The following CDH8 variants were observed in gnomAD, a reference collection of about 807,000 sequenced individuals.
CDH8 encodes cadherin 8.
A neutral mutation model predicts 68.1 loss-of-function variants in CDH8; 17 were observed. The ratio of observed to expected loss-of-function variants is 0.25; its 90% CI spans 0.17 to 0.37. The LOEUF is 0.37. CDH8 is among the 10% of genes least tolerant of loss of function. The pLI is 1.00. For synonymous variants in CDH8, 372 were observed against 365.1 expected (o/e 1.02, Z -0.21); for missense variants, 763 against 999.3 (o/e 0.76, Z 3.19).
intron 2 of CDH8, among the ~76,000 whole-genome samples, chr16:61,993,024 A>G (rs1019939557): frequency 6.6e-6 from 1 of 152,178 alleles, no homozygotes; most frequent in Non-Finnish European, 1.5e-5. Context: ...GGCTCAAGCA[A>G]TCCTCCTGTC....
intron 8 of CDH8, among the ~76,000 whole-genome samples, chr16:61,736,112 A>AAAGGAAGG (rs763954666): frequency 0.2 from 23,658 of 115,968 alleles, 2,952 homozygotes; most frequent in Non-Finnish European, 0.25. Context: ...AGAAAGAAAG[A>AAAGGAAGG]AAGGAAGGAA....
chr16:61,658,699 A>G (rs1963499535), intron 10 of CDH8, among the ~76,000 whole-genome samples: 2 of 152,086 alleles, frequency 1.3e-5, no homozygotes, highest in African/African-American at 4.8e-5. Flanking sequence ...CTTTAAGAAT[A>G]TTTTGGCTAT....
chr16:61,674,440 C>A (rs572523847), intron 10 of CDH8, among the ~76,000 whole-genome samples: 37 of 131,038 alleles, frequency 2.8e-4, no homozygotes, highest in South Asian at 7.7e-4. Context: ...GGTGACAGTG[C>A]AAGACTCCAA....
At chr16:61,954,497 T>C (rs1265930961) in intron 2 of CDH8, among the ~76,000 whole-genome samples, 10 of 151,898 alleles carry the variant, frequency 6.6e-5, no homozygotes, top group African/African-American at 2.4e-4. Flanking sequence ...GTCAGGAGAT[T>C]GAGGCCATCC....
rs1307133436 is a variant in CDH8 at position 61,649,802 on chromosome 16, ACCC to A, written c.*3803_*3805del. The A allele has an allele frequency of 2.0e-5, 3 of 152,070 alleles. No homozygotes were observed. The highest frequency in any genetic ancestry group is 7.2e-5 in the African/African-American group (3 of 41,418). 9.4% of individuals were successfully genotyped at this position (152,070 alleles called of 1,614,324 possible). On this transcript the variant is annotated 3_prime_UTR_variant, in exon 12 of 12. Transcript: ENST00000577390. ...AGTAATTGGCTACTTAGCTCTCAGCACCCGCTTTTCCTTTTCCAAAATACAGCA... is the reference window on the plus strand; with the variant it reads ...AGTAATTGGCTACTTAGCTCTCAGCAGCTTTTCCTTTTCCAAAATACAGCA...
chr16:61,885,070 G>T (rs1963648843), intron 3 of CDH8, among the ~76,000 whole-genome samples: 1 of 152,106 alleles, frequency 6.6e-6, no homozygotes, highest in African/African-American at 2.4e-5. Context: ...CTGTAATTTT[G>T]GTAGACTTAA....
intron 10 of CDH8, among the ~76,000 whole-genome samples, chr16:61,696,192 G>A (rs913548585): frequency 3.3e-5 from 5 of 152,148 alleles, no homozygotes; most frequent in Admixed American, 2.0e-4. Flanking sequence ...TAATGCTGCT[G>A]GTATGTCTGT....
At chr16:61,849,351 G>A (rs1962893083) in intron 4 of CDH8, among the ~76,000 whole-genome samples, 1 of 151,900 alleles carries the variant, frequency 6.6e-6, no homozygotes, top group African/African-American at 2.4e-5. Context: ...GATGAAGAGT[G>A]CATTAGGAGG....
chr16:61,973,337 T>C (rs1965377448), intron 2 of CDH8, among the ~76,000 whole-genome samples: 1 of 152,244 alleles, frequency 6.6e-6, no homozygotes, highest in Admixed American at 6.5e-5. Context: ...GCTTGCCTTA[T>C]TGTAAGAATG....
intron 10 of CDH8, among the ~76,000 whole-genome samples, chr16:61,672,589 T>C (rs1159328462): frequency 6.6e-6 from 1 of 152,050 alleles, no homozygotes; most frequent in Non-Finnish European, 1.5e-5. Context: ...CTAATAGTAG[T>C]TATTATTACC....
At chr16:61,954,658 G>A (rs1180141861) in intron 2 of CDH8, among the ~76,000 whole-genome samples, 2 of 147,556 alleles carry the variant, frequency 1.4e-5, no homozygotes, top group African/African-American at 2.5e-5. Context: ...CCGAGATTGG[G>A]CCACTGTACT....
At chr16:61,960,005 T>C (rs1415928616) in intron 2 of CDH8, among the ~76,000 whole-genome samples, 1 of 82,728 alleles carries the variant, frequency 1.2e-5, no homozygotes, top group African/African-American at 8.2e-5. Context: ...TATATATATA[T>C]ATATATATAT....
At chr16:61,752,754 A>G (rs185247776) in intron 8 of CDH8, among the ~76,000 whole-genome samples, 2 of 152,362 alleles carry the variant, frequency 1.3e-5, no homozygotes, top group African/African-American at 4.8e-5. Context: ...TCATTTATAA[A>G]GTGATACAGT....
At chr16:61,656,206 A>G (rs1044470513) in intron 10 of CDH8, among the ~76,000 whole-genome samples, 9 of 152,142 alleles carry the variant, frequency 5.9e-5, no homozygotes, top group African/African-American at 2.2e-4. Context: ...CAGGACAACC[A>G]TAACAGGTTG....
At chr16:61,692,476 T>C (rs1056130816) in intron 10 of CDH8, 10 of 151,966 alleles carry the variant, frequency 6.6e-5, no homozygotes, top group Admixed American at 1.3e-4. Flanking sequence ...TCTACACACA[T>C]ACACACCAAA....
At chr16:61,866,438 G>A (rs1354036931) in intron 3 of CDH8, among the ~76,000 whole-genome samples, 1 of 151,930 alleles carries the variant, frequency 6.6e-6, no homozygotes, top group Non-Finnish European at 1.5e-5. Context: ...TTTATTGTAA[G>A]AAACTGCAAA....
intron 10 of CDH8, among the ~76,000 whole-genome samples, chr16:61,664,944 C>T (rs59095474): frequency 0.15 from 23,491 of 151,912 alleles, 1,961 homozygotes; most frequent in African/African-American, 0.19. Context: ...TTCTTTCACA[C>T]AACATTAATA....
At chr16:62,001,498 A>G (rs778749957) in intron 2 of CDH8, among the ~76,000 whole-genome samples, 18 of 152,296 alleles carry the variant, frequency 1.2e-4, no homozygotes, top group Admixed American at 7.8e-4. Flanking sequence ...CAAGTAGCCC[A>G]AGGTAAATAC....
intron 9 of CDH8, among the ~76,000 whole-genome samples, chr16:61,717,379 A>T (rs1964751526): frequency 6.6e-6 from 1 of 151,570 alleles, no homozygotes; most frequent in Non-Finnish European, 1.5e-5. Context: ...ACAGATTTGA[A>T]ATTAAATAAA....
Sources: allele counts gnomAD v4.1 joint callset (sites outside exome capture counted in the v4.1 genomes callset), GRCh38; gene constraint gnomAD v4.1.1; transcripts MANE v1.5; gene names NCBI Gene and HGNC (gene_info 2026-07-23, HGNC 2026-07-21).